CEMIP: variants seen among roughly 807,000 people sequenced by gnomAD.
CEMIP encodes cell migration-inducing and hyaluronan-binding protein.
CEMIP carries 105 observed loss-of-function variants against 156.9 expected under a neutral mutation model. The observed-to-expected ratio is 0.67, with a 90% CI of 0.57 to 0.79. CEMIP has a LOEUF of 0.79. Among genes scored for constraint, CEMIP ranks in the 30% least tolerant of loss-of-function variants. CEMIP has a pLI of 0.00. For missense variants in CEMIP, 1,457 were observed against 1,769.4 expected (o/e 0.82, Z 3.17); for synonymous variants, 676 against 668.4 (o/e 1.01, Z -0.17).
At chr15:80,914,789 G>A (rs1900202327) in intron 14 of CEMIP, among the ~76,000 whole-genome samples, 1 of 152,232 alleles carries the variant, frequency 6.6e-6, no homozygotes. Flanking sequence ...TATCAAGACA[G>A]GGGAATTGCA....
chr15:80,899,662 G>A (rs535055247), intron 12 of CEMIP, among the ~76,000 whole-genome samples: 1 of 152,194 alleles, frequency 6.6e-6, no homozygotes, highest in South Asian at 2.1e-4. Flanking sequence ...AGAGAGGGAG[G>A]GGCCATGGTG....
chr15:80,794,856 G>A (rs1291319694), intron 1 of CEMIP, among the ~76,000 whole-genome samples: 2 of 152,194 alleles, frequency 1.3e-5, no homozygotes, highest in Non-Finnish European at 2.9e-5. Flanking sequence ...AAGTTGAAAG[G>A]TTTGAGGAGA....
chr15:80,921,891 C>T (rs1456083631), intron 16 of CEMIP, 118 bp from the exon 17 acceptor site: 1 of 1,346,942 alleles, frequency 7.4e-7, no homozygotes, highest in Non-Finnish European at 1.1e-6. Flanking sequence ...CCGAGGGCTC[C>T]TGTGGGTGAC....
In CEMIP at chr15:80,923,937, G is replaced by A. The variant is rs78582452; in HGVS notation, c.2203-684G>A. On this transcript the variant is annotated intron_variant, in intron 17 of 29. Coordinates refer to ENST00000394685, the MANE Select transcript of CEMIP (RefSeq NM_001293298.2). ...ATCACCGCTGCTGAATTATAAGCCA[G>A]AGGGAGAATGAAACGGCCACAGTGC... is the stretch of plus-strand genomic sequence containing the variant. 6.4e-3 allele frequency among the ~76,000 whole-genome samples: 975 copies of A among 152,336 alleles called. 10 individuals are homozygous for A. Among genetic ancestry groups the A allele is most frequent in the African/African-American group, 0.022 (912 of 41,572 alleles).
At position 80,873,655 on chromosome 15, in the gene CEMIP, G is replaced by T. The variant is rs535980563; in HGVS notation, c.-58G>T. 2 of 558,462 alleles carry T rather than the reference G, an allele frequency of 3.6e-6. No homozygotes were observed. The highest frequency in any genetic ancestry group is 6.5e-6 in the Non-Finnish European group (2 of 307,678). 34.6% of individuals were successfully genotyped at this position (558,462 alleles called of 1,614,324 possible). ...GACAACGGTAGGATTTTCATGCCCC[G>T]ATCTGCCTGGCCTTGAGTTGTGGCA... On this transcript the variant is annotated 5_prime_UTR_variant, in exon 2 of 30. Coordinates refer to ENST00000394685, the MANE Select transcript of CEMIP (RefSeq NM_001293298.2).
intron 1 of CEMIP, among the ~76,000 whole-genome samples, chr15:80,810,783 C>T (rs1896651294): frequency 6.6e-6 from 1 of 150,432 alleles, no homozygotes. Flanking sequence ...CACAGTATAT[C>T]TATCCATGTT....
At chr15:80,888,636 T>C (rs896191037) in intron 8 of CEMIP, 65 bp from the exon 9 acceptor site, 2 of 1,401,924 alleles carry the variant, frequency 1.4e-6, no homozygotes, top group Non-Finnish European at 1.0e-6. Context: ...TTCCTTGCCT[T>C]GGAGTCACAA....
At chr15:80,887,012 G>C (rs895914497) in intron 7 of CEMIP, among the ~76,000 whole-genome samples, 3 of 152,156 alleles carry the variant, frequency 2.0e-5, no homozygotes, top group Admixed American at 2.0e-4. Context: ...TGCCATTTTG[G>C]GGGGTAGCGT....
rs78482380 is a variant in CEMIP, at chr15:80,912,904, G to A, written c.1797+3598G>A. ...AAAGAGGCCAAATACAGACAAAGAC[G>A]AGATCCTGATTTGGAATGCAGAGGC... On this transcript the variant is annotated intron_variant, in intron 14 of 29. Transcript: ENST00000394685. Among the ~76,000 whole-genome samples the A allele has an allele frequency of 4.5e-4, 68 of 152,284 alleles. No homozygotes were observed. The East Asian group carries it at 0.012, about 27-fold the overall frequency.
At chr15:80,933,122 G>C (rs1191047073) in intron 22 of CEMIP, 123 bp from the exon 23 acceptor site, 13 of 844,032 alleles carry the variant, frequency 1.5e-5, no homozygotes, top group Non-Finnish European at 2.0e-6. Flanking sequence ...CAGTGCCCGA[G>C]AGCATCTTTG....
At chr15:80,926,039 A>G (rs1440988202) in intron 19 of CEMIP, among the ~76,000 whole-genome samples, 1 of 152,230 alleles carries the variant, frequency 6.6e-6, no homozygotes, top group Non-Finnish European at 1.5e-5. Context: ...GGTCATGCGG[A>G]CCATCAGCTA....
At chr15:80,941,131 T>C (rs962594744) in intron 25 of CEMIP, among the ~76,000 whole-genome samples, 10 of 152,118 alleles carry the variant, frequency 6.6e-5, no homozygotes, top group Non-Finnish European at 1.3e-4. Context: ...CCCAGCTCCC[T>C]AGTCTGACTG....
At chr15:80,832,320 C>CTGTGTGTGTGTGTGTGTG (rs1266715174) in intron 1 of CEMIP, among the ~76,000 whole-genome samples, 1 of 18,154 alleles carries the variant, frequency 5.5e-5, no homozygotes, top group African/African-American at 2.6e-4. Flanking sequence ...TTAAAATAAA[C>CTGTGTGTGTGTGTGTGTG]TCTGTGTGTG....
At chr15:80,886,552 G>C (rs1898848452) in intron 7 of CEMIP, among the ~76,000 whole-genome samples, 1 of 151,990 alleles carries the variant, frequency 6.6e-6, no homozygotes, top group Admixed American at 6.6e-5. Context: ...GGCTACTGTA[G>C]GGGGGGAAAA....
chr15:80,920,847 T>C (rs907668048), intron 15 of CEMIP, among the ~76,000 whole-genome samples, 185 bp from the exon 16 acceptor site: 1 of 152,244 alleles, frequency 6.6e-6, no homozygotes, highest in African/African-American at 2.4e-5. Flanking sequence ...ATATTTTAAG[T>C]GCTTAAACTA....
chr15:80,946,713 G>C (rs538780040), intron 28 of CEMIP: 29 of 517,208 alleles, frequency 5.6e-5, no homozygotes, highest in African/African-American at 4.4e-4. Flanking sequence ...GGTGAGCCAA[G>C]TCCAGGCTTG....
chr15:80,933,214 G>C (rs762586021), intron 22 of CEMIP, 31 bp from the exon 23 acceptor site: 3 of 1,591,516 alleles, frequency 1.9e-6, no homozygotes, highest in East Asian at 2.2e-5. Context: ...TCACCTTCTA[G>C]CCCTGCCTAA....
intron 14 of CEMIP, among the ~76,000 whole-genome samples, chr15:80,910,374 C>T (rs1057130812): frequency 3.3e-5 from 5 of 152,174 alleles, no homozygotes; most frequent in African/African-American, 9.7e-5. Flanking sequence ...AACCCCAGGC[C>T]GGTGCCACTC....
Position 80,949,048 on chromosome 15 carries a change from G to C in CEMIP, c.*124G>C. 7.8e-7 allele frequency: 1 copy of C among 1,281,962 alleles called. No homozygotes were observed. Among genetic ancestry groups the C allele is most frequent in the Non-Finnish European group, 1.1e-6 (1 of 889,090 alleles). The allele number at this position is 1,281,962 out of a possible 1,614,324, so 79.4% of individuals were successfully genotyped here. ...AGCTGCCTGGGAAGGCCGTGTTTCA[G>C]CCCTGATGGGCCAAGGGAAGGCTAT... On this transcript the variant is annotated 3_prime_UTR_variant, in exon 30 of 30. Coordinates refer to ENST00000394685, the MANE Select transcript of CEMIP (RefSeq NM_001293298.2).
Sources: allele counts gnomAD v4.1 joint callset (sites outside exome capture counted in the v4.1 genomes callset), GRCh38; gene constraint gnomAD v4.1.1; transcripts MANE v1.5; gene names NCBI Gene and HGNC (gene_info 2026-07-23, HGNC 2026-07-21).